The following CNTNAP5 variants were observed in gnomAD, a reference collection of about 807,000 sequenced individuals.
CNTNAP5 encodes contactin-associated protein-like 5.
CNTNAP5 carries 72 observed loss-of-function variants against 150.2 expected under a neutral mutation model. That is an observed-to-expected ratio of 0.48 (90% CI 0.40 to 0.58). The LOEUF (loss-of-function observed/expected upper bound fraction) is 0.58, where lower values mean the gene tolerates loss of function less well. CNTNAP5 is among the 20% of genes least tolerant of loss of function. The probability of loss-of-function intolerance (pLI) is 0.00; values close to 1 mark genes in which losing one functional copy is unlikely to be tolerated. For missense variants in CNTNAP5, 1,636 were observed against 1,626.2 expected (o/e 1.01, Z -0.10); for synonymous variants, 672 against 619.8 (o/e 1.08, Z -1.25).
At chr2:124,510,394 T>G (rs1402688830) in intron 8 of CNTNAP5, among the ~76,000 whole-genome samples, 1 of 47,564 alleles carries the variant, frequency 2.1e-5, no homozygotes, top group Non-Finnish European at 4.1e-5. Context: ...CACACAAATA[T>G]TCATTGGCCA....
intron 13 of CNTNAP5, among the ~76,000 whole-genome samples, chr2:124,738,290 G>C (rs1472124151): frequency 2.0e-5 from 3 of 152,148 alleles, no homozygotes; most frequent in Non-Finnish European, 4.4e-5. Flanking sequence ...TCGTATCAGG[G>C]AAATTGTGTA....
chr2:124,031,581 T>C (rs1411783259), intron 1 of CNTNAP5, among the ~76,000 whole-genome samples: 1 of 152,182 alleles, frequency 6.6e-6, no homozygotes, highest in Non-Finnish European at 1.5e-5. Flanking sequence ...TTTCCATGAC[T>C]TCATTGCTAT....
At chr2:124,661,179 C>T (rs1327393742) in intron 13 of CNTNAP5, among the ~76,000 whole-genome samples, 1 of 152,028 alleles carries the variant, frequency 6.6e-6, no homozygotes, top group Non-Finnish European at 1.5e-5. Flanking sequence ...AACAAATTAA[C>T]ATTAATTTAC....
At chr2:124,541,895 T>C (rs1176550166) in intron 10 of CNTNAP5, among the ~76,000 whole-genome samples, 1 of 152,140 alleles carries the variant, frequency 6.6e-6, no homozygotes, top group African/African-American at 2.4e-5. Context: ...AAATGTCTAT[T>C]TGCAACCACT....
Position 124,713,303 on chromosome 2 carries a change from TCTTTC to T in CNTNAP5, c.2078-33925_2078-33921del, listed in dbSNP as rs1255128177. 8.2e-3 allele frequency among the ~76,000 whole-genome samples: 806 copies of T among 98,880 alleles called. 42 individuals carry two copies. Among genetic ancestry groups the T allele is most frequent in the South Asian group, 0.013 (31 of 2,362 alleles). 64.9% of individuals were successfully genotyped at this position (98,880 alleles called of 152,430 possible). ...TTTCTTTCTTTCTTTCTTTCTTTCT[TCTTTC>T]TCTTTCTTTCCTTTCTTTCTTTCTT... On this transcript the variant is annotated intron_variant, in intron 13 of 23. Transcript: ENST00000682447.
intron 1 of CNTNAP5, among the ~76,000 whole-genome samples, chr2:124,196,688 C>G (rs34213745): frequency 0.31 from 46,437 of 151,968 alleles, 7,255 homozygotes; most frequent in South Asian, 0.48. Flanking sequence ...AAAATAGGTT[C>G]ATTTTTAAAA....
intron 21 of CNTNAP5, among the ~76,000 whole-genome samples, chr2:124,889,862 T>C (rs950595215): frequency 9.2e-5 from 14 of 152,100 alleles, no homozygotes; most frequent in African/African-American, 2.9e-4. Flanking sequence ...GCCACTGTTA[T>C]ATGTGCTAGG....
intron 10 of CNTNAP5, among the ~76,000 whole-genome samples, chr2:124,537,467 C>A (rs1351459170): frequency 6.6e-6 from 1 of 152,140 alleles, no homozygotes; most frequent in Non-Finnish European, 1.5e-5. Context: ...GAGATAGACG[C>A]AGAACGAGCT....
intron 3 of CNTNAP5, among the ~76,000 whole-genome samples, chr2:124,255,598 T>TAA (rs70996054): frequency 0.015 from 2,128 of 146,528 alleles, 96 homozygotes; most frequent in African/African-American, 0.051. Flanking sequence ...AATTTTTTTT[T>TAA]AAAAAGTAAA....
At chr2:124,541,645 C>T (rs890527259) in intron 10 of CNTNAP5, among the ~76,000 whole-genome samples, 5 of 152,020 alleles carry the variant, frequency 3.3e-5, no homozygotes, top group Admixed American at 6.6e-5. Context: ...GGGAGAAACT[C>T]GAACAAATAA....
chr2:124,190,114 A>G (rs1287902824), intron 1 of CNTNAP5, among the ~76,000 whole-genome samples: 1 of 152,126 alleles, frequency 6.6e-6, no homozygotes, highest in Non-Finnish European at 1.5e-5. Context: ...CAACCTTCAT[A>G]TGTTTTGCTA....
chr2:124,865,411 G>C lies in CNTNAP5; in HGVS notation c.3323G>C (p.Arg1108Pro). 1 of 1,551,850 alleles carries C rather than the reference G, an allele frequency of 6.4e-7. No individual in the cohort carries two copies. The highest frequency in any genetic ancestry group is 8.7e-7 in the Non-Finnish European group (1 of 1,146,960). Residue 1108 changes from arginine to proline, a missense_variant, in exon 20 of 24, where the codon CGA (arginine) becomes CCA (proline). Transcript: ENST00000682447. ...AGGATGCACCACTTGAAGATTAACC[G>C]AGAGGGAAGAGAGCTTACCATTCAG... ...NRRMHHLKIN[R>P]EGRELTIQMD...
chr2:124,600,381 G>A (rs1360876688), intron 11 of CNTNAP5, among the ~76,000 whole-genome samples: 1 of 151,972 alleles, frequency 6.6e-6, no homozygotes, highest in Non-Finnish European at 1.5e-5. Flanking sequence ...CTGGAGTAAC[G>A]CACTAGTAAC....
At chr2:124,409,750 C>G (rs1381512053) in intron 3 of CNTNAP5, among the ~76,000 whole-genome samples, 1 of 150,998 alleles carries the variant, frequency 6.6e-6, no homozygotes, top group East Asian at 1.9e-4. Flanking sequence ...AAAGGAACAA[C>G]CGGTACCAGC....
chr2:124,498,830 A>G (rs1008472387), intron 7 of CNTNAP5, among the ~76,000 whole-genome samples: 1 of 152,180 alleles, frequency 6.6e-6, no homozygotes, highest in African/African-American at 2.4e-5. Flanking sequence ...AATGATTCAG[A>G]TGATCCCCAA....
At chr2:124,809,052 T>A (rs540077113) in intron 19 of CNTNAP5, among the ~76,000 whole-genome samples, 1 of 152,142 alleles carries the variant, frequency 6.6e-6, no homozygotes, top group South Asian at 2.1e-4. Flanking sequence ...GAAAAACATG[T>A]GTGATAACTG....
chr2:124,386,633 C>G (rs1003965868), intron 3 of CNTNAP5, among the ~76,000 whole-genome samples: 2 of 152,174 alleles, frequency 1.3e-5, no homozygotes, highest in African/African-American at 4.8e-5. Flanking sequence ...TAATTCTGAC[C>G]TTCCCTTTCA....
chr2:124,702,640 G>C (rs1679547046), intron 13 of CNTNAP5, among the ~76,000 whole-genome samples: 1 of 151,912 alleles, frequency 6.6e-6, no homozygotes, highest in South Asian at 2.1e-4. Context: ...AATTTCAGAA[G>C]GGGCTGGAGA....
intron 1 of CNTNAP5, among the ~76,000 whole-genome samples, chr2:124,127,908 T>C (rs1429340960): frequency 1.3e-5 from 2 of 152,056 alleles, no homozygotes; most frequent in Non-Finnish European, 2.9e-5. Flanking sequence ...CAAAAATTAA[T>C]TCAAGATGGA....
Sources: gnomAD v4.1 joint callset for allele counts (sites outside exome capture counted in the v4.1 genomes callset) on GRCh38, gnomAD v4.1.1 for gene constraint, MANE v1.5 for transcripts, NCBI Gene and HGNC (gene_info 2026-07-23, HGNC 2026-07-21) for gene names.